RAPGEF2: variants seen among roughly 807,000 people sequenced by gnomAD.
RAPGEF2 encodes the protein Rap guanine nucleotide exchange factor 2.
RAPGEF2 carries 54 observed loss-of-function variants against 186.7 expected under a neutral mutation model. The ratio of observed to expected loss-of-function variants is 0.29; its 90% CI spans 0.23 to 0.36. RAPGEF2 has a LOEUF of 0.36. Among genes scored for constraint, RAPGEF2 ranks in the 10% least tolerant of loss-of-function variants. The probability of loss-of-function intolerance (pLI) is 1.00; values close to 1 mark genes in which losing one functional copy is unlikely to be tolerated. For missense variants in RAPGEF2, 1,532 were observed against 2,045.0 expected (o/e 0.75, Z 4.84); for synonymous variants, 712 against 705.9 (o/e 1.01, Z -0.14).
intron 1 of RAPGEF2, among the ~76,000 whole-genome samples, chr4:159,134,608 G>C (rs1741483343): frequency 6.6e-6 from 1 of 152,274 alleles, no homozygotes; most frequent in Non-Finnish European, 1.5e-5. Context: ...ATGTACAAAA[G>C]TTTCAGTTCT....
chr4:159,105,246 A>G (rs1379296352), intron 1 of RAPGEF2, among the ~76,000 whole-genome samples: 1 of 152,234 alleles, frequency 6.6e-6, no homozygotes, highest in Non-Finnish European at 1.5e-5. Flanking sequence ...TCTTAAGACA[A>G]ATAAGCCCTC....
chr4:159,273,644 TTC>T (rs200534046), intron 7 of RAPGEF2, among the ~76,000 whole-genome samples: 1 of 132,394 alleles, frequency 7.6e-6, no homozygotes, highest in African/African-American at 2.9e-5. Context: ...CTTTCTTTCT[TTC>T]TTTCTTTCTT....
At chr4:159,273,948 C>T (rs976778363) in intron 7 of RAPGEF2, among the ~76,000 whole-genome samples, 26 of 152,046 alleles carry the variant, frequency 1.7e-4, no homozygotes, top group African/African-American at 2.9e-4. Flanking sequence ...CGTGCCACCA[C>T]GCCCAGCTAA....
At chr4:159,305,794 A>G (rs1438809151) in intron 8 of RAPGEF2, among the ~76,000 whole-genome samples, 1 of 152,006 alleles carries the variant, frequency 6.6e-6, no homozygotes, top group Non-Finnish European at 1.5e-5. Flanking sequence ...TAATATTTTT[A>G]TAGCTTTGGG....
chr4:159,319,338 A>C (rs1158246568), intron 9 of RAPGEF2, among the ~76,000 whole-genome samples: 1 of 152,178 alleles, frequency 6.6e-6, no homozygotes. Flanking sequence ...TGCATATGCA[A>C]GGGTTCTAAG....
chr4:159,148,936 G>A (rs1743231165), intron 1 of RAPGEF2, among the ~76,000 whole-genome samples: 1 of 152,000 alleles, frequency 6.6e-6, no homozygotes, highest in Non-Finnish European at 1.5e-5. Flanking sequence ...AATTATTTTT[G>A]GGGTCCAAAT....
chr4:159,245,293 T>C (rs1224902921), intron 7 of RAPGEF2, among the ~76,000 whole-genome samples: 1 of 152,086 alleles, frequency 6.6e-6, no homozygotes, highest in East Asian at 1.9e-4. Flanking sequence ...CATTTTAAAA[T>C]GCAGTGAGAA....
intron 7 of RAPGEF2, among the ~76,000 whole-genome samples, chr4:159,254,600 C>CTTTTT (rs34644510): frequency 8.0e-6 from 1 of 124,584 alleles, no homozygotes; most frequent in Admixed American, 8.4e-5. Flanking sequence ...TACAGCATGA[C>CTTTTT]TTTTTTTTTT....
At chr4:159,236,579 ATTT>A in intron 4 of RAPGEF2, among the ~76,000 whole-genome samples, 1 of 152,286 alleles carries the variant, frequency 6.6e-6, no homozygotes, top group South Asian at 2.1e-4. Context: ...AACATTTATG[ATTT>A]TTTACTATGT....
chr4:159,345,559 T>A (rs1730167877), intron 24 of RAPGEF2, among the ~76,000 whole-genome samples: 1 of 152,218 alleles, frequency 6.6e-6, no homozygotes, highest in African/African-American at 2.4e-5. Context: ...TGTCCACATC[T>A]AAGGCAACCC....
intron 7 of RAPGEF2, among the ~76,000 whole-genome samples, chr4:159,264,662 T>C (rs1561171646): frequency 6.6e-6 from 1 of 152,172 alleles, no homozygotes; most frequent in Non-Finnish European, 1.5e-5. Flanking sequence ...TACATTCCCA[T>C]TGTTTTTGCA....
intron 3 of RAPGEF2, among the ~76,000 whole-genome samples, chr4:159,201,572 G>GCTGGC (rs2111344608): frequency 6.6e-6 from 1 of 152,302 alleles, no homozygotes; most frequent in South Asian, 2.1e-4. Context: ...ATATTTGAGA[G>GCTGGC]CACAAGTCTA....
chr4:159,237,638 T>G (rs1023863516), intron 4 of RAPGEF2, among the ~76,000 whole-genome samples: 2 of 151,880 alleles, frequency 1.3e-5, no homozygotes, highest in Non-Finnish European at 2.9e-5. Flanking sequence ...GGAAAAAAAT[T>G]GTTCAATGAA....
At chr4:159,283,005 G>A (rs566845294) in intron 7 of RAPGEF2, among the ~76,000 whole-genome samples, 2 of 152,280 alleles carry the variant, frequency 1.3e-5, no homozygotes, top group African/African-American at 4.8e-5. Context: ...TGTAAGAGGA[G>A]CATGGTTATT....
At chr4:159,311,104 CA>C (rs1311503247) in intron 8 of RAPGEF2, among the ~76,000 whole-genome samples, 6 of 152,088 alleles carry the variant, frequency 3.9e-5, no homozygotes, top group Non-Finnish European at 8.8e-5. Context: ...GTTTTGCTTA[CA>C]TTGAACAACT....
intron 1 of RAPGEF2, among the ~76,000 whole-genome samples, chr4:159,110,414 C>A (rs1264526888): frequency 6.6e-6 from 1 of 152,028 alleles, no homozygotes; most frequent in Non-Finnish European, 1.5e-5. Context: ...ATAGTGAAAC[C>A]CTATCTCTAC....
rs79596859 is a variant in RAPGEF2, at chr4:159,146,929, A to G, written c.70-39713A>G. On this transcript the variant is annotated intron_variant, in intron 1 of 29. Coordinates refer to ENST00000691494, the MANE Select transcript of RAPGEF2 (RefSeq NM_001394067.2). ...AAAATAAAGGTTTAAAAAAAGAGTC[A>G]CCATTGACAACATTAACCTATACAT... 4.4e-3 allele frequency among the ~76,000 whole-genome samples: 667 copies of G among 152,330 alleles called. 7 individuals are homozygous for G. The highest frequency in any genetic ancestry group is 0.015 in the African/African-American group (622 of 41,574).
intron 4 of RAPGEF2, among the ~76,000 whole-genome samples, chr4:159,229,766 A>T (rs1240884280): frequency 6.6e-6 from 1 of 152,212 alleles, no homozygotes; most frequent in East Asian, 1.9e-4. Context: ...AAATTTAATG[A>T]GAATGAAAGT....
At chr4:159,117,689 A>G (rs1739197098) in intron 1 of RAPGEF2, among the ~76,000 whole-genome samples, 1 of 151,634 alleles carries the variant, frequency 6.6e-6, no homozygotes, top group South Asian at 2.1e-4. Context: ...CAGTGGTTTT[A>G]ATCTTGGTCT....
Sources: gnomAD v4.1 joint callset for allele counts (sites outside exome capture counted in the v4.1 genomes callset) on GRCh38, gnomAD v4.1.1 for gene constraint, MANE v1.5 for transcripts, NCBI Gene and HGNC (gene_info 2026-07-23, HGNC 2026-07-21) for gene names.